PCLO: variants seen among roughly 807,000 people sequenced by gnomAD.
PCLO encodes protein piccolo.
Under a neutral mutation model 427.5 loss-of-function variants are expected in PCLO, and 82 were observed. That is an observed-to-expected ratio of 0.19 (90% CI 0.16 to 0.23). The LOEUF is 0.23. PCLO is among the 10% of genes least tolerant of loss of function. The probability of loss-of-function intolerance (pLI) is 1.00; values close to 1 mark genes in which losing one functional copy is unlikely to be tolerated. For synonymous variants in PCLO, 2,357 were observed against 2,155.4 expected (o/e 1.09, Z -2.59); for missense variants, 6,239 against 6,115.9 (o/e 1.02, Z -0.67).
chr7:83,050,221 A>ACAAAAAC (rs1454786346), intron 3 of PCLO, among the ~76,000 whole-genome samples: 1 of 93,882 alleles, frequency 1.1e-5, no homozygotes, highest in Non-Finnish European at 2.3e-5. Flanking sequence ...AAAAAAAAAA[A>ACAAAAAC]AAAAAAAAAA....
At position 82,956,439 on chromosome 7, in the gene PCLO, G is replaced by A. The variant is rs1254678804; in HGVS notation, c.4514C>T (p.Thr1505Ile). The change falls in exon 5 of 25, where the codon ACT becomes ATT. Residue 1505 changes from threonine (T) to isoleucine (I), a missense_variant. Around this residue, in one of 5 missense-constraint regions of PCLO, gnomAD observed 4,677 missense variants for 4,468.4 expected, o/e 1.05. Transcript: ENST00000333891. ...EKSEFVDDIT[T>I]RREPYDSVEE... ...AACTGAATCATAAGGCTCTCTTCTA[G>A]TAGTTATGTCATCAACAAACTCAGA... The A allele has an allele frequency of 6.2e-7, 1 of 1,613,696 alleles. No individual in the cohort carries two copies. Among genetic ancestry groups the A allele is most frequent in the South Asian group, 1.1e-5 (1 of 91,066 alleles).
chr7:83,000,452 AG>A (rs374240529), intron 3 of PCLO, among the ~76,000 whole-genome samples: 2 of 152,176 alleles, frequency 1.3e-5, no homozygotes, highest in African/African-American at 4.8e-5. Context: ...CCTTTAGACC[AG>A]ATGTCCCCTA....
chr7:82,825,682 A>G (rs1791919236), intron 18 of PCLO, among the ~76,000 whole-genome samples: 1 of 148,124 alleles, frequency 6.8e-6, no homozygotes, highest in Non-Finnish European at 1.5e-5. Flanking sequence ...TAACGTGTAT[A>G]TATACATTAT....
intron 3 of PCLO, among the ~76,000 whole-genome samples, chr7:83,011,399 T>C (rs139980828): frequency 8.3e-4 from 126 of 152,214 alleles, no homozygotes; most frequent in African/African-American, 2.8e-3. Flanking sequence ...CTGATACTTG[T>C]TGCATATTTG....
chr7:83,138,459 G>A (rs901551773), intron 2 of PCLO, among the ~76,000 whole-genome samples: 1 of 152,058 alleles, frequency 6.6e-6, no homozygotes, highest in Non-Finnish European at 1.5e-5. Context: ...TCAGGAGTTC[G>A]AGACCAGCCT....
rs530102263 is a variant in PCLO at position 82,876,627 on chromosome 7, G to A, written c.13654+2710C>T. On this transcript the variant is annotated intron_variant, in intron 10 of 24. Coordinates refer to ENST00000333891, the MANE Select transcript of PCLO (RefSeq NM_033026.6). ...AAACCTTTATCATTGTCACCTGGTA[G>A]TGTAGAATACAGGTATAACCTTTTT... 4.6e-5 allele frequency among the ~76,000 whole-genome samples: 7 copies of A among 152,220 alleles called. No individual in the cohort carries two copies. The South Asian group carries it at 1.5e-3, about 32-fold the overall frequency.
intron 3 of PCLO, among the ~76,000 whole-genome samples, chr7:83,088,300 C>A (rs146048585): frequency 6.6e-6 from 1 of 152,238 alleles, no homozygotes; most frequent in Admixed American, 6.5e-5. Context: ...CTACACTAGA[C>A]AAGAGATGTG....
intron 22 of PCLO, among the ~76,000 whole-genome samples, chr7:82,765,525 G>A (rs1356241386): frequency 1.3e-5 from 2 of 151,828 alleles, no homozygotes; most frequent in Non-Finnish European, 2.9e-5. Context: ...AATGTCATGT[G>A]GCTTCTTAAC....
At chr7:82,896,650 T>G (rs1359909505) in intron 9 of PCLO, among the ~76,000 whole-genome samples, 1 of 150,788 alleles carries the variant, frequency 6.6e-6, no homozygotes, top group African/African-American at 2.4e-5. Context: ...GTAAGTTATA[T>G]CCAAGAAAAT....
chr7:82,984,400 TGTG>T (rs1330842270), intron 3 of PCLO, among the ~76,000 whole-genome samples: 1 of 139,398 alleles, frequency 7.2e-6, no homozygotes, highest in African/African-American at 2.9e-5. Context: ...TTATTTCAAA[TGTG>T]GTGTCTGTGT....
intron 3 of PCLO, among the ~76,000 whole-genome samples, chr7:83,125,974 C>T (rs142243443): frequency 1.3e-5 from 2 of 152,144 alleles, no homozygotes; most frequent in African/African-American, 4.8e-5. Flanking sequence ...TTGGAATCAA[C>T]CTAAATGTCC....
At chr7:83,090,122 G>A (rs1330620167) in intron 3 of PCLO, among the ~76,000 whole-genome samples, 1 of 152,072 alleles carries the variant, frequency 6.6e-6, no homozygotes, top group Non-Finnish European at 1.5e-5. Flanking sequence ...GGCCAACATG[G>A]TAAACCCTGT....
intron 3 of PCLO, among the ~76,000 whole-genome samples, chr7:83,133,519 T>G (rs988550030): frequency 6.6e-6 from 1 of 152,038 alleles, no homozygotes; most frequent in African/African-American, 2.4e-5. Context: ...TTTTAGTCAT[T>G]TACATTGCAG....
At chr7:82,786,753 C>G (rs536099513) in intron 22 of PCLO, among the ~76,000 whole-genome samples, 6 of 152,026 alleles carry the variant, frequency 3.9e-5, no homozygotes, top group African/African-American at 4.8e-5. Flanking sequence ...TCCCCACCCC[C>G]CAACAGGCCC....
intron 6 of PCLO, among the ~76,000 whole-genome samples, chr7:82,946,596 G>C (rs1379153179): frequency 6.6e-6 from 1 of 152,070 alleles, no homozygotes; most frequent in Non-Finnish European, 1.5e-5. Context: ...GGGAGATAGA[G>C]GCACAGACTC....
chr7:82,909,639 AT>A (rs1378641847), intron 7 of PCLO, among the ~76,000 whole-genome samples: 2 of 152,108 alleles, frequency 1.3e-5, no homozygotes. Flanking sequence ...CTTTAACATT[AT>A]TTTTTGAAAA....
chr7:82,896,463 A>G (rs951417613), intron 9 of PCLO, among the ~76,000 whole-genome samples: 1 of 151,704 alleles, frequency 6.6e-6, no homozygotes, highest in African/African-American at 2.4e-5. Context: ...AGAGACAAGA[A>G]GTAAATCAGT....
intron 10 of PCLO, among the ~76,000 whole-genome samples, chr7:82,875,257 G>A (rs1460529336): frequency 6.6e-6 from 1 of 152,024 alleles, no homozygotes; most frequent in African/African-American, 2.4e-5. Context: ...TAATAGTAAA[G>A]TTCTTGAACT....
Position 82,910,775 on chromosome 7 carries a change from A to C in PCLO, c.13301-1762T>G, listed in dbSNP as rs185239404. Among the ~76,000 whole-genome samples the C allele has an allele frequency of 5.0e-3, 755 of 152,256 alleles. 3 individuals are homozygous for C. The highest frequency in any genetic ancestry group is 8.4e-3 in the Non-Finnish European group (569 of 67,996). ...CAATAATTATGGTTTTCCAGTCTTA[A>C]TTTGAAACCAAGTGACTGAACTTAC... On this transcript the variant is annotated intron_variant, in intron 7 of 24. Coordinates refer to ENST00000333891, the MANE Select transcript of PCLO (RefSeq NM_033026.6).
Sources: gnomAD v4.1 joint callset for allele counts (sites outside exome capture counted in the v4.1 genomes callset) on GRCh38, gnomAD v4.1.1 for gene constraint, gnomAD v4.1.1 regional missense constraint, MANE v1.5 for transcripts, NCBI Gene and HGNC (gene_info 2026-07-23, HGNC 2026-07-21) for gene names.